NTRK3: variants seen among roughly 807,000 people sequenced by gnomAD.
NTRK3 encodes the protein NT-3 growth factor receptor.
In NTRK3, 24 loss-of-function variants were observed where a neutral mutation model predicts 91.7. That is an observed-to-expected ratio of 0.26 (90% CI 0.19 to 0.37). The LOEUF (loss-of-function observed/expected upper bound fraction) is 0.37, where lower values mean the gene tolerates loss of function less well. NTRK3 is among the 10% of genes least tolerant of loss of function. The probability of loss-of-function intolerance (pLI) is 1.00; values close to 1 mark genes in which losing one functional copy is unlikely to be tolerated. For synonymous variants in NTRK3, 483 were observed against 404.0 expected, an observed-to-expected ratio of 1.20 and a Z score of -2.34; for missense variants, 880 against 1,068.9, an observed-to-expected ratio of 0.82 and a Z score of 2.46.
intron 13 of NTRK3, among the ~76,000 whole-genome samples, chr15:88,063,937 C>T (rs2046430818): frequency 6.6e-6 from 1 of 152,172 alleles, no homozygotes; most frequent in South Asian, 2.1e-4. Context: ...AGACATATGT[C>T]CACCTCAAAC....
intron 17 of NTRK3, among the ~76,000 whole-genome samples, chr15:87,884,650 A>T (rs1003146104): frequency 4.0e-5 from 6 of 151,792 alleles, no homozygotes; most frequent in African/African-American, 1.4e-4. Flanking sequence ...TCCATATTAT[A>T]TATAGCTCAA....
chr15:88,143,473 T>C (rs2042585521), intron 6 of NTRK3, among the ~76,000 whole-genome samples: 2 of 152,190 alleles, frequency 1.3e-5, no homozygotes, highest in Admixed American at 1.3e-4. Context: ...TGTTCTATTG[T>C]TTTAAGCCAC....
intron 14 of NTRK3, among the ~76,000 whole-genome samples, chr15:88,009,358 A>G (rs568823190): frequency 6.6e-6 from 1 of 151,918 alleles, no homozygotes; most frequent in East Asian, 1.9e-4. Flanking sequence ...ATGAGCAGAA[A>G]GAGTTGGGTG....
At chr15:88,032,755 G>A in intron 14 of NTRK3, 102 bp downstream of exon 14, 2 of 1,299,064 alleles carry the variant, frequency 1.5e-6, no homozygotes, top group East Asian at 2.4e-5. Flanking sequence ...GAGGTTGGCA[G>A]GTAGCAGGTC....
chr15:88,133,541 T>C (rs1361996240), intron 10 of NTRK3, among the ~76,000 whole-genome samples: 1 of 152,184 alleles, frequency 6.6e-6, no homozygotes, highest in African/African-American at 2.4e-5. Context: ...CTCAACAATG[T>C]ATAGACTTTC....
chr15:87,999,969 G>A (rs555635152), intron 14 of NTRK3, among the ~76,000 whole-genome samples: 1 of 152,286 alleles, frequency 6.6e-6, no homozygotes, highest in Admixed American at 6.5e-5. Flanking sequence ...AGAGTACAGG[G>A]CTTGGACTTC....
intron 13 of NTRK3, among the ~76,000 whole-genome samples, chr15:88,122,295 T>A (rs1012236938): frequency 1.3e-5 from 2 of 152,174 alleles, no homozygotes; most frequent in African/African-American, 4.8e-5. Flanking sequence ...TAGCCACTCA[T>A]CTTTCATGTA....
intron 13 of NTRK3, among the ~76,000 whole-genome samples, chr15:88,071,914 T>G (rs746825183): frequency 6.6e-6 from 1 of 152,088 alleles, no homozygotes. Flanking sequence ...TAGTAGTTCC[T>G]GCCCTGGCAG....
chr15:88,195,497 G>C (rs1464974678), intron 3 of NTRK3, among the ~76,000 whole-genome samples: 3 of 152,158 alleles, frequency 2.0e-5, no homozygotes, highest in African/African-American at 7.2e-5. Flanking sequence ...GTCTTGATTG[G>C]GACAGCACTT....
chr15:88,209,784 C>T (rs2049086242), intron 3 of NTRK3, among the ~76,000 whole-genome samples: 1 of 152,244 alleles, frequency 6.6e-6, no homozygotes, highest in African/African-American at 2.4e-5. Flanking sequence ...CAGACTCAAA[C>T]AGTGCCTTCC....
At chr15:88,017,812 C>A (rs2077344133) in intron 14 of NTRK3, among the ~76,000 whole-genome samples, 1 of 152,184 alleles carries the variant, frequency 6.6e-6, no homozygotes, top group African/African-American at 2.4e-5. Flanking sequence ...AATCCCCAAG[C>A]ACATATTTAA....
At chr15:88,127,372 C>A (rs2053401511) in intron 11 of NTRK3, 146 bp from the exon 12 acceptor site, 1 of 741,410 alleles carries the variant, frequency 1.3e-6, no homozygotes, top group African/African-American at 1.7e-5. Context: ...GTCTGCCTTC[C>A]CCAGGCTTTG....
At chr15:87,977,575 A>T (rs117117212) in intron 14 of NTRK3, 3 of 231,170 alleles carry the variant, frequency 1.3e-5, no homozygotes, top group Non-Finnish European at 2.6e-5. Context: ...CCTTAAAGCC[A>T]CACTTGGGAG....
intron 13 of NTRK3, among the ~76,000 whole-genome samples, chr15:88,070,350 T>C (rs1481582827): frequency 1.3e-5 from 2 of 151,776 alleles, no homozygotes; most frequent in Admixed American, 6.6e-5. Flanking sequence ...GTCCCCCAAC[T>C]TGAGCCAGAA....
chr15:88,181,855 C>A (rs555602397), intron 5 of NTRK3, among the ~76,000 whole-genome samples: 1 of 152,332 alleles, frequency 6.6e-6, no homozygotes, highest in East Asian at 1.9e-4. Flanking sequence ...CCCACCTGGT[C>A]CACCATGGGC....
intron 13 of NTRK3, among the ~76,000 whole-genome samples, chr15:88,049,047 A>G (rs2080540023): frequency 6.6e-6 from 1 of 152,222 alleles, no homozygotes; most frequent in Admixed American, 6.5e-5. Context: ...GATATATTTT[A>G]AGATCTGGTG....
chr15:88,138,579 A>T (rs370790526), intron 6 of NTRK3, among the ~76,000 whole-genome samples: 2 of 152,118 alleles, frequency 1.3e-5, no homozygotes, highest in African/African-American at 4.8e-5. Flanking sequence ...CTTCAGCCAC[A>T]CTGACCTTGG....
At chr15:88,032,830 G>A (rs989129240) in intron 14 of NTRK3, 27 bp downstream of exon 14, 26 of 1,612,634 alleles carry the variant, frequency 1.6e-5, no homozygotes, top group Non-Finnish European at 2.1e-5. Flanking sequence ...CTCCCCAGGA[G>A]GGAGAGCATT....
Position 87,861,609 on chromosome 15 carries a change from G to T in NTRK3, c.*15326C>A, listed in dbSNP as rs185545286. The T allele has an allele frequency of 1.1e-4, 22 of 194,132 alleles. No individual in the cohort carries two copies. The Admixed American group carries it at 1.3e-3, about 12-fold the overall frequency. 12.0% of individuals were successfully genotyped at this position (194,132 alleles called of 1,614,324 possible). ...CTGAAAACAAGTCCCTTTCACTTAGGGAAGGGAAAAAAAAAATCCCACTTA... is the reference window on the plus strand; with the variant it reads ...CTGAAAACAAGTCCCTTTCACTTAGTGAAGGGAAAAAAAAAATCCCACTTA... On this transcript the variant is annotated 3_prime_UTR_variant, in exon 19 of 19. Coordinates refer to ENST00000394480, the Ensembl canonical transcript of NTRK3.
Sources: gnomAD v4.1 joint callset for allele counts (sites outside exome capture counted in the v4.1 genomes callset) on GRCh38, gnomAD v4.1.1 for gene constraint, MANE v1.5 for transcripts, NCBI Gene and HGNC (gene_info 2026-07-23, HGNC 2026-07-21) for gene names.